PAK3: variants seen among roughly 807,000 people sequenced by gnomAD.
PAK3 encodes serine/threonine-protein kinase PAK 3.
PAK3 carries 4 observed loss-of-function variants against 41.0 expected under a neutral mutation model. That is an observed-to-expected ratio of 0.10 (90% CI 0.05 to 0.22). The LOEUF is 0.22. Among genes scored for constraint, PAK3 ranks in the 10% least tolerant of loss-of-function variants. The pLI, the probability that PAK3 is intolerant of heterozygous loss-of-function variation, is 1.00. For missense variants in PAK3, 205 were observed against 409.9 expected, an observed-to-expected ratio of 0.50 and a Z score of 4.32; for synonymous variants, 146 against 139.6, an observed-to-expected ratio of 1.05 and a Z score of -0.32.
At chrX:111,041,938 ATG>A (rs1305577109) in intron 1 of PAK3, among the ~76,000 whole-genome samples, 3 of 111,858 alleles carry the variant, frequency 2.7e-5, no homozygotes, top group South Asian at 7.5e-4. Context: ...TTTTTTATAT[ATG>A]TGTGTCTTTA....
At chrX:111,030,981 G>A (rs1347967844) in intron 1 of PAK3, among the ~76,000 whole-genome samples, 1 of 111,627 alleles carries the variant, frequency 9.0e-6, no homozygotes, top group Non-Finnish European at 1.9e-5. Context: ...TAACTCCACA[G>A]AACCCACCTT....
At chrX:111,060,814 T>C (rs2092649456) in intron 1 of PAK3, among the ~76,000 whole-genome samples, 1 of 111,983 alleles carries the variant, frequency 8.9e-6, no homozygotes, top group African/African-American at 3.2e-5. Flanking sequence ...TTCTTTGCTT[T>C]GTATTTACTA....
chrX:111,107,339 A>T (rs1287571140), intron 4 of PAK3, among the ~76,000 whole-genome samples: 1 of 112,306 alleles, frequency 8.9e-6, no homozygotes, highest in East Asian at 2.8e-4. Flanking sequence ...GTAAGTGTTC[A>T]TGTGCGATAG....
At chrX:110,973,144 G>A (rs1049444299) in intron 1 of PAK3, among the ~76,000 whole-genome samples, 1 of 111,634 alleles carries the variant, frequency 9.0e-6, no homozygotes, top group African/African-American at 3.3e-5. Flanking sequence ...CACTCTTCAG[G>A]ATATTATCCA....
At chrX:111,191,980 A>T (rs2094564554) in intron 11 of PAK3, 147 bp from the exon 12 acceptor site, 3 of 402,036 alleles carry the variant, frequency 7.5e-6, no homozygotes, top group Non-Finnish European at 1.3e-5. Flanking sequence ...CACAATAATA[A>T]TTTTTTTAAA....
At chrX:111,006,296 T>C (rs2091922348) in intron 1 of PAK3, among the ~76,000 whole-genome samples, 1 of 111,914 alleles carries the variant, frequency 8.9e-6, no homozygotes, top group African/African-American at 3.3e-5. Context: ...CTGAACTTGG[T>C]AACCATGGTG....
chrX:110,976,183 T>C (rs983675657), intron 1 of PAK3, among the ~76,000 whole-genome samples: 1 of 112,052 alleles, frequency 8.9e-6, no homozygotes, highest in Non-Finnish European at 1.9e-5. Context: ...ACCTACAGAA[T>C]GGGAGAAAAT....
At chrX:111,188,775 C>A (rs890060506) in intron 11 of PAK3, among the ~76,000 whole-genome samples, 10 of 112,287 alleles carry the variant, frequency 8.9e-5, no homozygotes, top group Non-Finnish European at 1.9e-4. Context: ...TTGTGCCATG[C>A]ACAATCTCTA....
intron 1 of PAK3, among the ~76,000 whole-genome samples, chrX:111,020,088 A>C (rs1269982698): frequency 8.9e-6 from 1 of 112,448 alleles, no homozygotes; most frequent in East Asian, 2.8e-4. Context: ...AGAAATTGAA[A>C]GCAGGGACTT....
chrX:111,006,276 GTTAAAA>G (rs1285261114), intron 1 of PAK3, among the ~76,000 whole-genome samples: 1 of 111,897 alleles, frequency 8.9e-6, no homozygotes, highest in Non-Finnish European at 1.9e-5. Flanking sequence ...TTGTGTCAGT[GTTAAAA>G]TTACTGAACT....
intron 1 of PAK3, among the ~76,000 whole-genome samples, chrX:111,064,550 T>C (rs1454473101): frequency 9.0e-6 from 1 of 110,798 alleles, no homozygotes; most frequent in Non-Finnish European, 1.9e-5. Context: ...CTGTGGTATT[T>C]GGTTTTCTAT....
At chrX:111,120,883 G>A (rs888977131) in intron 4 of PAK3, among the ~76,000 whole-genome samples, 1 of 111,948 alleles carries the variant, frequency 8.9e-6, no homozygotes, top group Non-Finnish European at 1.9e-5. Flanking sequence ...CTAGTGACTT[G>A]TCTCTGGTGG....
intron 11 of PAK3, among the ~76,000 whole-genome samples, chrX:111,188,450 C>G (rs2149304441): frequency 9.0e-6 from 1 of 111,178 alleles, no homozygotes; most frequent in Non-Finnish European, 1.9e-5. Flanking sequence ...TTTCTTCATA[C>G]AGTTTCATTT....
At chrX:110,968,124 C>T (rs769999045) in intron 1 of PAK3, among the ~76,000 whole-genome samples, 1 of 112,247 alleles carries the variant, frequency 8.9e-6, no homozygotes, top group Non-Finnish European at 1.9e-5. Context: ...AGCATAATGC[C>T]CTGGAGATCC....
chrX:111,062,001 A>G (rs753317717), intron 1 of PAK3, among the ~76,000 whole-genome samples: 3 of 110,606 alleles, frequency 2.7e-5, no homozygotes, highest in Non-Finnish European at 5.7e-5. Context: ...TTTTTTTTGT[A>G]GAGACAGGGT....
intron 1 of PAK3, among the ~76,000 whole-genome samples, chrX:111,086,692 G>A: frequency 9.0e-6 from 1 of 111,646 alleles, no homozygotes; most frequent in Non-Finnish European, 1.9e-5. Flanking sequence ...CAGAGCTTTT[G>A]TTAGCAGGGG....
At chrX:111,145,096 C>G (rs2093926166) in intron 6 of PAK3, among the ~76,000 whole-genome samples, 1 of 111,782 alleles carries the variant, frequency 8.9e-6, no homozygotes, top group African/African-American at 3.3e-5. Context: ...GCTCAAACTC[C>G]TAGGTCTTCA....
chrX:111,217,319 G>T lies in PAK3; in HGVS notation c.1545+761G>T, dbSNP rs750097112. Among the ~76,000 whole-genome samples the T allele has an allele frequency of 3.6e-5, 4 of 111,801 alleles. No homozygotes were observed. The East Asian group carries it at 1.1e-3, about 31-fold the overall frequency. On this transcript the variant is annotated intron_variant, in intron 17 of 17. Transcript: ENST00000372007. ...GTCTGTATTTGATAAAGCAGTACGT[G>T]CCCAGGATTATACACATAGCTTCAC... is the stretch of plus-strand genomic sequence containing the variant.
At chrX:110,947,476 T>A (rs1480732845) in intron 1 of PAK3, among the ~76,000 whole-genome samples, 2 of 111,331 alleles carry the variant, frequency 1.8e-5, no homozygotes, top group East Asian at 5.6e-4. Flanking sequence ...TTGATGTAGG[T>A]TCTAAAGAAG....
Sources: gnomAD v4.1 joint callset for allele counts (sites outside exome capture counted in the v4.1 genomes callset) on GRCh38, gnomAD v4.1.1 for gene constraint, MANE v1.5 for transcripts, NCBI Gene and HGNC (gene_info 2026-07-23, HGNC 2026-07-21) for gene names.